Variants in CSMD1 observed in about 807,000 individuals in gnomAD.
CSMD1 encodes the protein CUB and Sushi multiple domains 1.
A neutral mutation model predicts 417.5 loss-of-function variants in CSMD1; 213 were observed. The observed-to-expected ratio is 0.51, with a 90% CI of 0.46 to 0.57. The LOEUF (loss-of-function observed/expected upper bound fraction) is 0.57. CSMD1 is among the 20% of genes least tolerant of loss of function. CSMD1 has a pLI of 0.00. For synonymous variants in CSMD1, 2,862 were observed against 1,736.8 expected (o/e 1.65, Z -16.11); for missense variants, 6,923 against 4,529.7 (o/e 1.53, Z -15.17).
intron 54 of CSMD1, among the ~76,000 whole-genome samples, chr8:2,988,205 T>C (rs1806090814): frequency 1.3e-5 from 2 of 152,176 alleles, no homozygotes. Context: ...GTGAAGTTTT[T>C]GTGGTTGTTT....
chr8:4,761,843 C>A (rs1444687596), intron 1 of CSMD1, among the ~76,000 whole-genome samples: 1 of 69,880 alleles, frequency 1.4e-5, no homozygotes, highest in Non-Finnish European at 3.3e-5. Context: ...ATGCATCTAT[C>A]TATCTATCTA....
At chr8:4,099,170 A>T (rs1455104597) in intron 3 of CSMD1, among the ~76,000 whole-genome samples, 1 of 150,354 alleles carries the variant, frequency 6.7e-6, no homozygotes, top group Non-Finnish European at 1.5e-5. Flanking sequence ...TGTCTTATTT[A>T]TCTGAACACA....
At chr8:4,387,409 T>G (rs952380741) in intron 3 of CSMD1, among the ~76,000 whole-genome samples, 8 of 151,904 alleles carry the variant, frequency 5.3e-5, no homozygotes, top group Non-Finnish European at 1.2e-4. Flanking sequence ...TTTAAAAGAA[T>G]TAAGTAATGA....
At chr8:3,900,344 A>G (rs1584934306) in intron 5 of CSMD1, among the ~76,000 whole-genome samples, 1 of 151,474 alleles carries the variant, frequency 6.6e-6, no homozygotes, top group East Asian at 1.9e-4. Flanking sequence ...GCTGGGTGAC[A>G]GTGTAGCTGG....
intron 2 of CSMD1, among the ~76,000 whole-genome samples, chr8:4,497,703 T>C (rs1261678379): frequency 6.6e-6 from 1 of 152,206 alleles, no homozygotes; most frequent in Non-Finnish European, 1.5e-5. Context: ...GCATAAATAG[T>C]GTGCAAGCTA....
intron 3 of CSMD1, among the ~76,000 whole-genome samples, chr8:4,191,268 C>T (rs1271671906): frequency 1.3e-5 from 2 of 151,918 alleles, no homozygotes; most frequent in South Asian, 2.1e-4. Flanking sequence ...TGGTGGCAGG[C>T]ACCTGTAGTC....
At chr8:4,392,937 C>G (rs1385821079) in intron 3 of CSMD1, among the ~76,000 whole-genome samples, 2 of 151,884 alleles carry the variant, frequency 1.3e-5, no homozygotes, top group African/African-American at 2.4e-5. Flanking sequence ...CCACTGCACT[C>G]CAGACTGGGC....
At chr8:3,053,669 C>A (rs571561580) in intron 49 of CSMD1, among the ~76,000 whole-genome samples, 2 of 152,232 alleles carry the variant, frequency 1.3e-5, no homozygotes, top group East Asian at 3.9e-4. Flanking sequence ...TCTGTGTAAA[C>A]CCTTTCTTCT....
intron 39 of CSMD1, among the ~76,000 whole-genome samples, chr8:3,154,090 C>G (rs1819367800): frequency 1.3e-5 from 2 of 152,284 alleles, no homozygotes; most frequent in South Asian, 2.1e-4. Context: ...CCTCAGCCTC[C>G]CGAGTAGCTG....
intron 5 of CSMD1, among the ~76,000 whole-genome samples, chr8:3,990,421 A>G (rs1435331993): frequency 3.3e-5 from 5 of 152,148 alleles, no homozygotes; most frequent in Admixed American, 3.3e-4. Flanking sequence ...CTCTCCCGGG[A>G]TAACTATTTT....
chr8:4,446,957 C>T (rs1328002580), intron 2 of CSMD1, among the ~76,000 whole-genome samples: 1 of 150,642 alleles, frequency 6.6e-6, no homozygotes, highest in Non-Finnish European at 1.5e-5. Context: ...AAAACATTGG[C>T]CCTACAAAAA....
intron 18 of CSMD1, among the ~76,000 whole-genome samples, chr8:3,369,702 T>G (rs756354300): frequency 6.6e-6 from 1 of 152,222 alleles, no homozygotes; most frequent in Non-Finnish European, 1.5e-5. Context: ...CAGCACTTCA[T>G]TGAGTTCAAA....
chr8:4,669,702 G>A (rs1218752721), intron 1 of CSMD1, among the ~76,000 whole-genome samples: 1 of 152,052 alleles, frequency 6.6e-6, no homozygotes, highest in Non-Finnish European at 1.5e-5. Context: ...GAACATTTCT[G>A]CTGTTTCTTT....
chr8:3,899,466 A>C (rs887720746), intron 5 of CSMD1, among the ~76,000 whole-genome samples: 2 of 152,246 alleles, frequency 1.3e-5, no homozygotes, highest in South Asian at 2.1e-4. Flanking sequence ...TATTGATCCA[A>C]CCGCAGAGGT....
chr8:4,381,026 G>C (rs534412313), intron 3 of CSMD1, among the ~76,000 whole-genome samples: 1 of 152,242 alleles, frequency 6.6e-6, no homozygotes, highest in African/African-American at 2.4e-5. Context: ...CAGGGCAAAT[G>C]GGAAATGGGT....
intron 47 of CSMD1, 60 bp downstream of exon 47, chr8:3,096,789 T>G: frequency 9.5e-7 from 1 of 1,054,932 alleles, no homozygotes; most frequent in Non-Finnish European, 1.4e-6. Flanking sequence ...TAAAACATTG[T>G]AATAGTGTTT....
chr8:4,794,772 AT>A (rs1797884077), intron 1 of CSMD1, among the ~76,000 whole-genome samples: 1 of 152,204 alleles, frequency 6.6e-6, no homozygotes, highest in Non-Finnish European at 1.5e-5. Flanking sequence ...CCATGCCCAA[AT>A]TCGGGGACTC....
intron 3 of CSMD1, among the ~76,000 whole-genome samples, chr8:4,038,584 G>T (rs114782207): frequency 6.6e-6 from 1 of 152,168 alleles, no homozygotes; most frequent in Non-Finnish European, 1.5e-5. Context: ...GTGACTCCCA[G>T]AAGTAATGAA....
intron 39 of CSMD1, among the ~76,000 whole-genome samples, chr8:3,153,811 A>C (rs982681861): frequency 3.9e-5 from 6 of 152,194 alleles, no homozygotes; most frequent in Admixed American, 6.5e-5. Context: ...CACTGGGTTC[A>C]TCTCCTGTCA....
Sources: allele counts gnomAD v4.1 joint callset (sites outside exome capture counted in the v4.1 genomes callset), GRCh38; gene constraint gnomAD v4.1.1; transcripts MANE v1.5; gene names NCBI Gene and HGNC (gene_info 2026-07-23, HGNC 2026-07-21).